The following LAMA2 variants were observed in gnomAD, a reference collection of about 807,000 sequenced individuals.
The protein encoded by LAMA2 is laminin subunit alpha-2.
A neutral mutation model predicts 364.8 loss-of-function variants in LAMA2; 269 were observed. That is an observed-to-expected ratio of 0.74 (90% confidence interval 0.67 to 0.82). The LOEUF is 0.82. Among genes scored for constraint, LAMA2 ranks in the 40% least tolerant of loss-of-function variants. The pLI, the probability that LAMA2 is intolerant of heterozygous loss-of-function variation, is 0.00. For synonymous variants in LAMA2, 1,379 were observed against 1,370.6 expected, an observed-to-expected ratio of 1.01 and a Z score of -0.14; for missense variants, 3,807 against 3,873.2, an observed-to-expected ratio of 0.98 and a Z score of 0.45.
At chr6:128,993,851 G>A (rs1361077603) in intron 1 of LAMA2, among the ~76,000 whole-genome samples, 1 of 151,990 alleles carries the variant, frequency 6.6e-6, no homozygotes, top group African/African-American at 2.4e-5. Context: ...TTAAATCCAG[G>A]GAGATATTAA....
chr6:129,265,440 T>C (rs1008263130), intron 15 of LAMA2, among the ~76,000 whole-genome samples: 2 of 152,150 alleles, frequency 1.3e-5, no homozygotes, highest in African/African-American at 4.8e-5. Flanking sequence ...AAACAGTAGA[T>C]TAGTTCTCTC....
chr6:128,933,028 A>G (rs1052279248), intron 1 of LAMA2, among the ~76,000 whole-genome samples: 1 of 152,110 alleles, frequency 6.6e-6, no homozygotes, highest in Non-Finnish European at 1.5e-5. Flanking sequence ...CATTCATTCC[A>G]CCATTCTACT....
intron 29 of LAMA2, among the ~76,000 whole-genome samples, chr6:129,337,521 G>A (rs1363141050): frequency 6.6e-6 from 1 of 151,996 alleles, no homozygotes; most frequent in Non-Finnish European, 1.5e-5. Flanking sequence ...TTCACCGTAA[G>A]GAAAAACTTC....
At position 129,383,201 on chromosome 6, in the gene LAMA2, A is replaced by T; in HGVS notation, c.5039A>T (p.Glu1680Val). Residue 1680 changes from glutamate (E) to valine (V), a missense_variant, in exon 35 of 65, where the codon GAA becomes GTA. By Grantham distance (121) the Glu-to-Val change is moderately radical (BLOSUM62 -2). This residue lies in a region of LAMA2 where 3,333 missense variants were observed against 3,345.7 expected (regional missense o/e 1.00). Coordinates refer to ENST00000421865, the MANE Select transcript of LAMA2 (RefSeq NM_000426.4). Reference protein sequence around the residue: ...RTNTRAKSLGEFIKELARDAE... With the variant: ...RTNTRAKSLGVFIKELARDAE... ...AACACAAGAGCAAAGTCCCTGGGAGAATTCATTAAGGAGCTTGCCCGGGAT... is the reference window on the plus strand; with the variant it reads ...AACACAAGAGCAAAGTCCCTGGGAGTATTCATTAAGGAGCTTGCCCGGGAT... 6.2e-7 allele frequency: 1 copy of T among 1,613,670 alleles called. No homozygotes were observed. Among genetic ancestry groups the T allele is most frequent in the Non-Finnish European group, 8.5e-7 (1 of 1,179,818 alleles).
chr6:129,093,624 A>C (rs1774984784), intron 3 of LAMA2, among the ~76,000 whole-genome samples: 1 of 152,194 alleles, frequency 6.6e-6, no homozygotes, highest in Non-Finnish European at 1.5e-5. Flanking sequence ...TCCACACTAA[A>C]TGAGATCAAG....
chr6:128,918,183 A>C (rs1366362480), intron 1 of LAMA2, among the ~76,000 whole-genome samples: 1 of 152,184 alleles, frequency 6.6e-6, no homozygotes, highest in East Asian at 1.9e-4. Context: ...AAATATAATT[A>C]TTCTTCTTCC....
intron 22 of LAMA2, among the ~76,000 whole-genome samples, chr6:129,308,447 T>C (rs1050147132): frequency 6.6e-6 from 1 of 152,212 alleles, no homozygotes; most frequent in Non-Finnish European, 1.5e-5. Context: ...ATGTTCAAGA[T>C]ATAAATCAGG....
At chr6:129,009,936 A>G (rs1440529870) in intron 1 of LAMA2, among the ~76,000 whole-genome samples, 1 of 152,156 alleles carries the variant, frequency 6.6e-6, no homozygotes, top group Non-Finnish European at 1.5e-5. Flanking sequence ...GAGATTAAAA[A>G]TGCTCCAGTT....
At chr6:129,150,157 G>A (rs1052449690) in intron 7 of LAMA2, among the ~76,000 whole-genome samples, 1 of 152,112 alleles carries the variant, frequency 6.6e-6, no homozygotes, top group Non-Finnish European at 1.5e-5. Flanking sequence ...AAGCATATCT[G>A]GAGGCATGAG....
At chr6:129,091,634 A>G (rs979958109) in intron 3 of LAMA2, among the ~76,000 whole-genome samples, 4 of 152,218 alleles carry the variant, frequency 2.6e-5, no homozygotes, top group Non-Finnish European at 5.9e-5. Context: ...AAATCGTTTC[A>G]CTATATGTGA....
chr6:129,077,311 T>C lies in LAMA2; in HGVS notation c.396+17415T>C, dbSNP rs145718071. Among the ~76,000 whole-genome samples the C allele has an allele frequency of 4.3e-4, 66 of 152,220 alleles. 1 individual carries two copies. In the East Asian group the frequency reaches 0.012, roughly 28 times the overall value. On this transcript the variant is annotated intron_variant, in intron 3 of 64. Coordinates refer to ENST00000421865, the MANE Select transcript of LAMA2 (RefSeq NM_000426.4). ...TGTTTATAAAACGAAATACAAAAAT[T>C]AAGAAATGGAGTGGGCAAGTAAAAA...
chr6:129,286,034 G>C (rs562370361), intron 18 of LAMA2, among the ~76,000 whole-genome samples: 3 of 152,046 alleles, frequency 2.0e-5, no homozygotes, highest in African/African-American at 7.2e-5. Flanking sequence ...CAAATTAATG[G>C]CTCTGCCCCA....
intron 13 of LAMA2, 118 bp from the exon 14 acceptor site, chr6:129,251,966 T>C: frequency 3.0e-6 from 2 of 663,894 alleles, no homozygotes; most frequent in Non-Finnish European, 5.1e-6. Flanking sequence ...AAAATAAACA[T>C]AAATTTTTAA....
chr6:129,472,711 C>T (rs1411590875), intron 51 of LAMA2, among the ~76,000 whole-genome samples: 8 of 151,934 alleles, frequency 5.3e-5, no homozygotes, highest in African/African-American at 1.7e-4. Context: ...TACAACATCC[C>T]CTTCCACTTC....
chr6:129,400,446 A>G lies in LAMA2; in HGVS notation c.5446-778A>G, dbSNP rs372963547. On this transcript the variant is annotated intron_variant, in intron 37 of 64. Transcript: ENST00000421865. ...ATTGAGATCTAAATGAATTAGCATT[A>G]TTGTCTATAGAAAAAAACTATAAGT... Among the ~76,000 whole-genome samples the G allele has an allele frequency of 3.3e-5, 5 of 152,326 alleles. No homozygotes were observed. In the South Asian group the frequency reaches 6.2e-4, roughly 19 times the overall value.
chr6:129,402,597 G>A lies in LAMA2; in HGVS notation c.5726+110G>A, dbSNP rs1780043986. On this transcript the variant is annotated intron_variant, in intron 39 of 64. Transcript: ENST00000421865. ...TCAAATCCTGATTTCTGTTAATTAT[G>A]AACACACTAGCTATATGGCCTTTCT... 5 of 1,101,174 alleles carry A rather than the reference G, an allele frequency of 4.5e-6. No individual in the cohort carries two copies. In the East Asian group the frequency reaches 7.6e-5, roughly 17 times the overall value. 68.2% of individuals were successfully genotyped at this position (1,101,174 alleles called of 1,614,324 possible).
chr6:129,242,798 A>G (rs953732760), intron 12 of LAMA2, among the ~76,000 whole-genome samples: 4 of 152,146 alleles, frequency 2.6e-5, no homozygotes, highest in African/African-American at 9.6e-5. Flanking sequence ...ATTTACTCAC[A>G]TCTGTTGAGA....
chr6:129,155,195 A>G (rs1304973239), intron 8 of LAMA2, among the ~76,000 whole-genome samples: 3 of 152,164 alleles, frequency 2.0e-5, no homozygotes, highest in African/African-American at 7.2e-5. Flanking sequence ...GCTCCTACAA[A>G]TAATTTTATA....
intron 1 of LAMA2, among the ~76,000 whole-genome samples, chr6:128,974,853 ATT>A (rs34727721): frequency 1.1e-4 from 16 of 143,126 alleles, no homozygotes; most frequent in African/African-American, 3.1e-4. Flanking sequence ...ATGAGTAACA[ATT>A]TTTTTTTTTT....
Sources: gnomAD v4.1 joint callset for allele counts (sites outside exome capture counted in the v4.1 genomes callset) on GRCh38, gnomAD v4.1.1 for gene constraint, gnomAD v4.1.1 regional missense constraint, MANE v1.5 for transcripts, NCBI Gene and HGNC (gene_info 2026-07-23, HGNC 2026-07-21) for gene names.